The following SLC24A2 variants were observed in gnomAD, a reference collection of about 807,000 sequenced individuals.
SLC24A2 encodes the protein solute carrier family 24 member 2.
Under a neutral mutation model 62.0 loss-of-function variants are expected in SLC24A2, and 36 were observed. That is an observed-to-expected ratio of 0.58 (90% CI 0.44 to 0.77). The LOEUF is 0.77. Among genes scored for constraint, SLC24A2 ranks in the 30% least tolerant of loss-of-function variants. SLC24A2 has a pLI of 0.00. For synonymous variants in SLC24A2, 358 were observed against 294.0 expected (o/e 1.22, Z -2.23); for missense variants, 846 against 817.9 (o/e 1.03, Z -0.42).
chr9:19,932,938 T>G, the SLC24A2 span, among the ~76,000 whole-genome samples: 2 of 152,234 alleles, frequency 1.3e-5, no homozygotes, highest in African/African-American at 4.8e-5. Flanking sequence ...CAAAGGAACC[T>G]AAGGCTGGAA....
intron 2 of SLC24A2, 97 bp downstream of exon 2, chr9:19,785,839 CA>C: frequency 1.3e-6 from 2 of 1,509,198 alleles, no homozygotes; most frequent in East Asian, 4.5e-5. Context: ...ACAAGAGCCC[CA>C]AACACCATCA....
At chr9:19,782,546 A>G (rs902079302) in intron 2 of SLC24A2, among the ~76,000 whole-genome samples, 2 of 152,240 alleles carry the variant, frequency 1.3e-5, no homozygotes, top group African/African-American at 4.8e-5. Flanking sequence ...ATATTATAAT[A>G]CAGCAAATAT....
the SLC24A2 span, among the ~76,000 whole-genome samples, chr9:20,046,257 T>C: frequency 6.6e-6 from 1 of 152,168 alleles, no homozygotes; most frequent in East Asian, 1.9e-4. Flanking sequence ...CTTGTCAGCA[T>C]CCATCTTCAT....
chr9:20,050,128 A>G, the SLC24A2 span, among the ~76,000 whole-genome samples: 1 of 151,824 alleles, frequency 6.6e-6, no homozygotes, highest in African/African-American at 2.4e-5. Flanking sequence ...ACACACAGAG[A>G]TAACTTGGTT....
the SLC24A2 span, among the ~76,000 whole-genome samples, chr9:20,231,621 G>A: frequency 1.8e-4 from 28 of 152,142 alleles, no homozygotes; most frequent in Admixed American, 3.9e-4. Flanking sequence ...TTATCAGCTT[G>A]AGGAGATTTT....
intron 5 of SLC24A2, among the ~76,000 whole-genome samples, chr9:19,592,181 T>C (rs1375062908): frequency 6.6e-6 from 1 of 152,242 alleles, no homozygotes; most frequent in East Asian, 1.9e-4. Flanking sequence ...ACCCCATGAT[T>C]CATGTAAGAC....
chr9:19,779,995 G>T (rs1201251497), intron 2 of SLC24A2, among the ~76,000 whole-genome samples: 1 of 152,024 alleles, frequency 6.6e-6, no homozygotes, highest in Admixed American at 6.5e-5. Context: ...CCGGGAGGTG[G>T]AGCTTGCAAG....
At chr9:19,696,048 A>G (rs1422297538) in intron 2 of SLC24A2, among the ~76,000 whole-genome samples, 1 of 152,148 alleles carries the variant, frequency 6.6e-6, no homozygotes, top group Non-Finnish European at 1.5e-5. Flanking sequence ...AGGGTGAGTG[A>G]GCATTACTGC....
At chr9:19,573,147 C>T (rs1192435784) in intron 7 of SLC24A2, among the ~76,000 whole-genome samples, 1 of 152,102 alleles carries the variant, frequency 6.6e-6, no homozygotes, top group Non-Finnish European at 1.5e-5. Flanking sequence ...AGAGAATATT[C>T]ATATTCATTC....
chr9:19,763,179 T>A (rs1270560007), intron 2 of SLC24A2, among the ~76,000 whole-genome samples: 1 of 152,242 alleles, frequency 6.6e-6, no homozygotes, highest in Non-Finnish European at 1.5e-5. Context: ...ATCCTGAGAC[T>A]TTGCTGAAGT....
the SLC24A2 span, among the ~76,000 whole-genome samples, chr9:20,283,576 C>T: frequency 7.9e-5 from 12 of 152,192 alleles, no homozygotes; most frequent in African/African-American, 2.9e-4. Flanking sequence ...GTCCTTGCCT[C>T]TTCAGAAGAA....
the SLC24A2 span, among the ~76,000 whole-genome samples, chr9:19,886,705 T>C: frequency 4.6e-5 from 7 of 152,234 alleles, no homozygotes; most frequent in Non-Finnish European, 7.3e-5. Context: ...TTACTGGGTA[T>C]ATACCCAAAG....
the SLC24A2 span, among the ~76,000 whole-genome samples, chr9:20,139,448 C>T: frequency 6.6e-6 from 1 of 152,162 alleles, no homozygotes; most frequent in Admixed American, 6.5e-5. Flanking sequence ...GTAAAGCATT[C>T]AAAAAATGGC....
At chr9:19,850,988 T>TACATAC in the SLC24A2 span, among the ~76,000 whole-genome samples, 10 of 45,724 alleles carry the variant, frequency 2.2e-4, no homozygotes, top group African/African-American at 6.0e-4. Flanking sequence ...TATATATGTA[T>TACATAC]ATATATATAT....
the SLC24A2 span, among the ~76,000 whole-genome samples, chr9:20,140,888 A>T: frequency 6.6e-6 from 1 of 152,094 alleles, no homozygotes; most frequent in Non-Finnish European, 1.5e-5. Context: ...GAAAATTCCA[A>T]ACTCTTTCCT....
At chr9:19,533,276 A>G (rs1272526680) in intron 8 of SLC24A2, among the ~76,000 whole-genome samples, 3 of 152,172 alleles carry the variant, frequency 2.0e-5, no homozygotes, top group Non-Finnish European at 2.9e-5. Context: ...AGGAGGGGCA[A>G]ATATGTATTA....
the SLC24A2 span, among the ~76,000 whole-genome samples, chr9:19,881,665 G>A: frequency 1.4e-4 from 22 of 152,100 alleles, no homozygotes; most frequent in African/African-American, 5.3e-4. Flanking sequence ...GGAATGTTAG[G>A]CAACATTGCC....
the SLC24A2 span, among the ~76,000 whole-genome samples, chr9:19,977,869 C>T: frequency 6.6e-6 from 1 of 152,150 alleles, no homozygotes; most frequent in African/African-American, 2.4e-5. Flanking sequence ...CCCAGCCCCA[C>T]AGAATAGTCG....
chr9:19,859,750 G>C, the SLC24A2 span, among the ~76,000 whole-genome samples: 1 of 152,216 alleles, frequency 6.6e-6, no homozygotes, highest in Non-Finnish European at 1.5e-5. Context: ...TCCCCTTGCA[G>C]TGGCAGCATT....
Sources: gnomAD v4.1 joint callset for allele counts (sites outside exome capture counted in the v4.1 genomes callset) on GRCh38, gnomAD v4.1.1 for gene constraint, MANE v1.5 for transcripts, NCBI Gene and HGNC (gene_info 2026-07-23, HGNC 2026-07-21) for gene names.